SLC12A8: variants seen among roughly 807,000 people sequenced by gnomAD.
SLC12A8 encodes the protein solute carrier family 12 member 8.
In SLC12A8, 69 loss-of-function variants were observed where a neutral mutation model predicts 75.6. The ratio of observed to expected loss-of-function variants is 0.91; its 90% CI spans 0.75 to 1.11. SLC12A8 has a LOEUF of 1.11. Ranked by LOEUF, SLC12A8 falls within the 50% of genes most tolerant of loss-of-function variation. The pLI is 0.00. For synonymous variants in SLC12A8, 365 were observed against 372.8 expected, an observed-to-expected ratio of 0.98 and a Z score of 0.24; for missense variants, 877 against 896.7, an observed-to-expected ratio of 0.98 and a Z score of 0.28.
intron 5 of SLC12A8, among the ~76,000 whole-genome samples, chr3:125,163,919 G>A (rs1208051079): frequency 6.6e-6 from 1 of 152,218 alleles, no homozygotes; most frequent in Non-Finnish European, 1.5e-5. Context: ...GCCCCTGCCT[G>A]GCCGGACACC....
At chr3:125,145,237 C>T (rs1283639566) in intron 5 of SLC12A8, among the ~76,000 whole-genome samples, 1 of 152,202 alleles carries the variant, frequency 6.6e-6, no homozygotes, top group East Asian at 1.9e-4. Context: ...CATCTCTCTG[C>T]TGTTACTGGC....
intron 10 of SLC12A8, among the ~76,000 whole-genome samples, chr3:125,106,527 A>G (rs1939029978): frequency 6.6e-6 from 1 of 152,068 alleles, no homozygotes; most frequent in Non-Finnish European, 1.5e-5. Flanking sequence ...CCTCAGCCTC[A>G]TGAGTAGCTG....
chr3:125,203,412 T>C (rs1441621466), intron 2 of SLC12A8, among the ~76,000 whole-genome samples: 1 of 152,012 alleles, frequency 6.6e-6, no homozygotes, highest in Non-Finnish European at 1.5e-5. Flanking sequence ...AGGAACAGAA[T>C]AGAGAATCTG....
chr3:125,147,135 C>A (rs867697249), intron 5 of SLC12A8, among the ~76,000 whole-genome samples: 8 of 152,248 alleles, frequency 5.3e-5, no homozygotes, highest in Non-Finnish European at 1.0e-4. Flanking sequence ...GGGAAGACTT[C>A]CGCAAAATCA....
chr3:125,172,567 G>A (rs887911388), intron 5 of SLC12A8, among the ~76,000 whole-genome samples: 6 of 152,124 alleles, frequency 3.9e-5, no homozygotes, highest in African/African-American at 9.7e-5. Flanking sequence ...ATCCAGGGCC[G>A]CCAGCCAAGT....
At chr3:125,175,312 G>A (rs1438004302) in intron 5 of SLC12A8, among the ~76,000 whole-genome samples, 1 of 152,084 alleles carries the variant, frequency 6.6e-6, no homozygotes, top group South Asian at 2.1e-4. Context: ...CATTTTGAAG[G>A]TTTATAGTTT....
At chr3:125,157,506 C>A (rs1017050697) in intron 5 of SLC12A8, among the ~76,000 whole-genome samples, 1 of 152,194 alleles carries the variant, frequency 6.6e-6, no homozygotes, top group Non-Finnish European at 1.5e-5. Flanking sequence ...AGCACCATCA[C>A]CTCAGGGAAC....
chr3:125,104,622 T>C (rs2107740006), intron 10 of SLC12A8, among the ~76,000 whole-genome samples: 1 of 152,234 alleles, frequency 6.6e-6, no homozygotes, highest in East Asian at 1.9e-4. Flanking sequence ...TCTCCTTCTT[T>C]CTTAGGAAAA....
intron 10 of SLC12A8, among the ~76,000 whole-genome samples, chr3:125,097,551 T>C (rs1187121765): frequency 2.0e-5 from 3 of 149,508 alleles, no homozygotes; most frequent in Non-Finnish European, 4.5e-5. Flanking sequence ...TGTGTGTGTG[T>C]GTGTGTGTGT....
intron 9 of SLC12A8, 50 bp downstream of exon 9, chr3:125,110,139 A>G (rs1201384455): frequency 6.4e-7 from 1 of 1,574,692 alleles, no homozygotes; most frequent in East Asian, 2.3e-5. Context: ...CAGTGAGGTT[A>G]GCAGCAAAAC....
intron 5 of SLC12A8, among the ~76,000 whole-genome samples, chr3:125,155,705 C>T (rs1395965276): frequency 2.1e-5 from 3 of 140,546 alleles, no homozygotes; most frequent in African/African-American, 8.0e-5. Flanking sequence ...GAGCCAAGAT[C>T]ACGCCACTGC....
At chr3:125,084,907 A>G (rs1938421243) in intron 13 of SLC12A8, among the ~76,000 whole-genome samples, 1 of 152,208 alleles carries the variant, frequency 6.6e-6, no homozygotes, top group Non-Finnish European at 1.5e-5. Flanking sequence ...TTTTACTCTA[A>G]AAGAATCATC....
chr3:125,197,297 G>A (rs36109751), intron 2 of SLC12A8, among the ~76,000 whole-genome samples: 19,321 of 54,250 alleles, frequency 0.36, 1,494 homozygotes, highest in Non-Finnish European at 0.5. Flanking sequence ...TTAATTAACC[G>A]ATTTTTTTCT....
intron 4 of SLC12A8, among the ~76,000 whole-genome samples, chr3:125,183,547 T>G (rs549331446): frequency 6.6e-6 from 1 of 152,164 alleles, no homozygotes; most frequent in East Asian, 1.9e-4. Flanking sequence ...GACACAAACT[T>G]CCAGGTTTAA....
intron 5 of SLC12A8, among the ~76,000 whole-genome samples, chr3:125,141,382 C>T (rs1036363791): frequency 1.3e-5 from 2 of 152,202 alleles, no homozygotes; most frequent in African/African-American, 4.8e-5. Context: ...GCCTACCCTC[C>T]TCCCCTTAGC....
chr3:125,184,328 A>AG (rs112512485), intron 4 of SLC12A8, among the ~76,000 whole-genome samples: 24 of 152,200 alleles, frequency 1.6e-4, no homozygotes, highest in African/African-American at 5.8e-4. Context: ...TTGATGCTCT[A>AG]GGGAAGGGAT....
At chr3:125,135,629 C>A (rs761829012) in intron 6 of SLC12A8, 40 bp downstream of exon 6, 16 of 1,343,976 alleles carry the variant, frequency 1.2e-5, no homozygotes, top group Non-Finnish European at 1.5e-5. Flanking sequence ...AGAATGTATA[C>A]CCCTAATTTG....
At chr3:125,116,467 CG>C (rs1349566448) in intron 8 of SLC12A8, among the ~76,000 whole-genome samples, 2 of 152,156 alleles carry the variant, frequency 1.3e-5, no homozygotes, top group African/African-American at 4.8e-5. Context: ...TGCTCATTGT[CG>C]GGACAGGTGG....
chr3:125,154,052 G>A (rs1291503067), intron 5 of SLC12A8, among the ~76,000 whole-genome samples: 1 of 152,096 alleles, frequency 6.6e-6, no homozygotes, highest in Admixed American at 6.5e-5. Context: ...CCGGCCAGAT[G>A]ATGAATTTTA....
Sources: allele counts gnomAD v4.1 joint callset (sites outside exome capture counted in the v4.1 genomes callset), GRCh38; gene constraint gnomAD v4.1.1; transcripts MANE v1.5; gene names NCBI Gene and HGNC (gene_info 2026-07-23, HGNC 2026-07-21).